CENPW: variants seen among roughly 807,000 people sequenced by gnomAD.
CENPW encodes the protein cancer-up-regulated gene 2 protein.
Under a neutral mutation model 11.1 loss-of-function variants are expected in CENPW, and 3 were observed. That is an observed-to-expected ratio of 0.27 (90% CI 0.12 to 0.70). The LOEUF (loss-of-function observed/expected upper bound fraction) is 0.70. CENPW is among the 30% of genes least tolerant of loss of function. CENPW has a pLI of 0.77. For missense variants in CENPW, 100 were observed against 105.6 expected (o/e 0.95, Z 0.23); for synonymous variants, 38 against 42.0 (o/e 0.91, Z 0.37).
chr6:126,353,220 G>T (rs1299422753), downstream of CENPW, among the ~76,000 whole-genome samples: 4 of 126,128 alleles, frequency 3.2e-5, no homozygotes, highest in South Asian at 2.3e-4. Context: ...ATTTCCCTAT[G>T]GGATCTTTTT....
downstream of CENPW, among the ~76,000 whole-genome samples, chr6:126,350,529 C>T (rs948981637): frequency 2.6e-5 from 4 of 152,160 alleles, no homozygotes; most frequent in African/African-American, 9.7e-5. Flanking sequence ...CTAATACCAT[C>T]ACACTGGTGA....
At chr6:126,458,210 A>C in the CENPW span, among the ~76,000 whole-genome samples, 1 of 151,260 alleles carries the variant, frequency 6.6e-6, no homozygotes, top group African/African-American at 2.4e-5. Context: ...CCATCAGCAC[A>C]TGTACAGCTG....
chr6:126,411,278 G>A, the CENPW span, among the ~76,000 whole-genome samples: 738 of 152,258 alleles, frequency 4.8e-3, 9 homozygotes, highest in African/African-American at 0.016. Flanking sequence ...TGGTGGCCAC[G>A]GCTGTAGAAA....
chr6:126,413,861 A>G, the CENPW span, among the ~76,000 whole-genome samples: 11 of 152,120 alleles, frequency 7.2e-5, no homozygotes, highest in African/African-American at 2.4e-4. Context: ...CCCCCACTTA[A>G]AAGACATAGA....
At chr6:126,368,474 ATGTAT>A in the CENPW span, among the ~76,000 whole-genome samples, 1 of 151,814 alleles carries the variant, frequency 6.6e-6, no homozygotes, top group Non-Finnish European at 1.5e-5. Context: ...AAAAACTTTA[ATGTAT>A]TGGATTGGAG....
chr6:126,452,924 C>T, the CENPW span, among the ~76,000 whole-genome samples: 1 of 151,032 alleles, frequency 6.6e-6, no homozygotes, highest in Non-Finnish European at 1.5e-5. Context: ...AATGATTTGA[C>T]TTTCTGTAAT....
the CENPW span, among the ~76,000 whole-genome samples, chr6:126,420,624 G>A: frequency 1.3e-5 from 2 of 152,084 alleles, no homozygotes; most frequent in African/African-American, 4.8e-5. Flanking sequence ...GGTCTTTTAG[G>A]GAAGAAGAAA....
At chr6:126,346,369 A>G in intron 2 of CENPW, 51 bp downstream of exon 2, 1 of 1,108,512 alleles carries the variant, frequency 9.0e-7, no homozygotes, top group South Asian at 1.4e-5. Context: ...CAAAAATAAC[A>G]CTCGGTTCAT....
At chr6:126,461,840 T>C in the CENPW span, among the ~76,000 whole-genome samples, 1 of 151,960 alleles carries the variant, frequency 6.6e-6, no homozygotes, top group Non-Finnish European at 1.5e-5. Flanking sequence ...ATATACGTTT[T>C]CTCAATTATA....
the CENPW span, among the ~76,000 whole-genome samples, chr6:126,469,225 T>C: frequency 2.0e-5 from 3 of 152,100 alleles, no homozygotes; most frequent in Non-Finnish European, 4.4e-5. Context: ...TATGGGCCGT[T>C]TCACCCATGC....
downstream of CENPW, among the ~76,000 whole-genome samples, chr6:126,349,195 AT>A (rs1474113089): frequency 6.6e-6 from 1 of 152,108 alleles, no homozygotes; most frequent in Non-Finnish European, 1.5e-5. Flanking sequence ...ATAATTATAG[AT>A]TTCAACATGT....
chr6:126,420,587 CA>C, the CENPW span, among the ~76,000 whole-genome samples: 1 of 152,120 alleles, frequency 6.6e-6, no homozygotes, highest in African/African-American at 2.4e-5. Flanking sequence ...GGAACTAGAC[CA>C]AATTATCTGC....
downstream of CENPW, among the ~76,000 whole-genome samples, chr6:126,349,131 A>G (rs960909411): frequency 6.6e-6 from 1 of 152,140 alleles, no homozygotes; most frequent in Non-Finnish European, 1.5e-5. Context: ...AAGATAATTT[A>G]GAAGTTTATT....
At chr6:126,365,692 C>A in the CENPW span, among the ~76,000 whole-genome samples, 1 of 152,048 alleles carries the variant, frequency 6.6e-6, no homozygotes, top group African/African-American at 2.4e-5. Flanking sequence ...ATATTGTTAC[C>A]CATGTGCAAA....
chr6:126,446,235 T>C, the CENPW span, among the ~76,000 whole-genome samples: 1 of 151,082 alleles, frequency 6.6e-6, no homozygotes, highest in Admixed American at 6.6e-5. Context: ...AAAGAGTGTT[T>C]GAAAAACACT....
the CENPW span, among the ~76,000 whole-genome samples, chr6:126,365,640 A>G: frequency 1.8e-4 from 28 of 152,344 alleles, no homozygotes; most frequent in African/African-American, 5.8e-4. Flanking sequence ...ACACAGAAGC[A>G]GACCATAGCA....
chr6:126,460,898 GT>G, the CENPW span, among the ~76,000 whole-genome samples: 2 of 151,866 alleles, frequency 1.3e-5, no homozygotes, highest in Admixed American at 6.6e-5. Context: ...CCTGACTAAA[GT>G]TTAGTCAAGG....
At chr6:126,368,213 GA>G in the CENPW span, among the ~76,000 whole-genome samples, 1 of 152,192 alleles carries the variant, frequency 6.6e-6, no homozygotes, top group African/African-American at 2.4e-5. Flanking sequence ...AATAAAATGA[GA>G]AACAGGAAAA....
At chr6:126,415,056 A>C in the CENPW span, among the ~76,000 whole-genome samples, 804 of 152,174 alleles carry the variant, frequency 5.3e-3, 10 homozygotes, top group African/African-American at 0.018. Context: ...AAATACAAAA[A>C]CTGAACAGAT....
Sources: allele counts gnomAD v4.1 joint callset (sites outside exome capture counted in the v4.1 genomes callset), GRCh38; gene constraint gnomAD v4.1.1; transcripts MANE v1.5; gene names NCBI Gene and HGNC (gene_info 2026-07-23, HGNC 2026-07-21).